The following SV2B variants were observed in gnomAD, a reference collection of about 807,000 sequenced individuals.
SV2B encodes solute carrier family 22 member B2.
In SV2B, 41 loss-of-function variants were observed where a neutral mutation model predicts 73.9. The observed-to-expected ratio is 0.56, with a 90% CI of 0.43 to 0.72. The LOEUF is 0.72. SV2B is among the 30% of genes least tolerant of loss of function. The pLI, the probability that SV2B is intolerant of heterozygous loss-of-function variation, is 0.00. For missense variants in SV2B, 764 were observed against 857.8 expected (o/e 0.89, Z 1.37); for synonymous variants, 314 against 314.2 (o/e 1.00, Z 0.01).
rs1431001935 is a variant in SV2B, at chr15:91,100,991, G to T, written c.-392+628G>T. On this transcript the variant is annotated intron_variant, in intron 1 of 12. Coordinates refer to ENST00000394232, the MANE Select transcript of SV2B (RefSeq NM_001323032.3). This position sits in a 1 kb window ranked among gnomAD's most constrained non-coding sequence, Gnocchi z 6.4. ...CCAGGGAGGAGCAAGGCACCGCTGT[G>T]TCTTCGGCAGACGGGTGGTAGAAAT... Among the ~76,000 whole-genome samples the T allele has an allele frequency of 6.6e-6, 1 of 152,238 alleles. No individual in the cohort carries two copies. Among genetic ancestry groups the T allele is most frequent in the East Asian group, 1.9e-4 (1 of 5,198 alleles).
chr15:91,221,691 G>GCACACA (rs1555486422), intron 1 of SV2B, among the ~76,000 whole-genome samples: 9 of 91,154 alleles, frequency 9.9e-5, no homozygotes, highest in African/African-American at 2.0e-4. Context: ...CCAAGCATGT[G>GCACACA]CGCACACACA....
rs1423119168 is a variant in SV2B, at chr15:91,124,429, T to G, written c.-392+24066T>G. On this transcript the variant is annotated intron_variant, in intron 1 of 12. Coordinates refer to ENST00000394232, the MANE Select transcript of SV2B (RefSeq NM_001323032.3). This position sits in a 1 kb window ranked among gnomAD's most constrained non-coding sequence, Gnocchi z 4.6. ...GTGAGGTGCAGCAGCCAAGAGCCAG[T>G]GAGGAAGAGAGCCTGGAGGGGGAAA... Among the ~76,000 whole-genome samples the G allele has an allele frequency of 1.3e-5, 2 of 152,032 alleles. No homozygotes were observed. The highest frequency in any genetic ancestry group is 2.9e-5 in the Non-Finnish European group (2 of 67,988).
rs112777430 is a variant in SV2B, at chr15:91,106,852, C to T, written c.-392+6489C>T. Among the ~76,000 whole-genome samples the T allele has an allele frequency of 3.9e-5, 6 of 152,116 alleles. No individual in the cohort carries two copies. Among genetic ancestry groups the T allele is most frequent in the Non-Finnish European group, 7.4e-5 (5 of 68,024 alleles). Reference sequence around the variant, plus strand: ...GTGTCACCAGCTTGCTTGAGAAACCCCACATCTACAGTAGCTTGCATAATG... The same window carrying T: ...GTGTCACCAGCTTGCTTGAGAAACCTCACATCTACAGTAGCTTGCATAATG... On this transcript the variant is annotated intron_variant, in intron 1 of 12. Transcript: ENST00000394232. This position sits in a 1 kb window ranked among gnomAD's most constrained non-coding sequence, Gnocchi z 4.4.
chr15:91,195,802 A>T (rs931642589), intron 1 of SV2B, among the ~76,000 whole-genome samples: 1 of 152,208 alleles, frequency 6.6e-6, no homozygotes, highest in Admixed American at 6.5e-5. Flanking sequence ...AGTACAGCTA[A>T]CATAGCACAG....
intron 1 of SV2B, among the ~76,000 whole-genome samples, chr15:91,221,025 G>C (rs1293168994): frequency 1.3e-5 from 2 of 151,798 alleles, no homozygotes; most frequent in African/African-American, 4.8e-5. Flanking sequence ...AACCATGCCT[G>C]GCTGACTTTT....
At chr15:91,173,132 G>T (rs1427054309) in intron 1 of SV2B, among the ~76,000 whole-genome samples, 3 of 152,246 alleles carry the variant, frequency 2.0e-5, no homozygotes, top group East Asian at 1.9e-4. Flanking sequence ...TAGACAAAAG[G>T]CCAAGTGCTG....
At chr15:91,263,369 AAGAC>A (rs1007223409) in intron 6 of SV2B, among the ~76,000 whole-genome samples, 10 of 149,162 alleles carry the variant, frequency 6.7e-5, no homozygotes, top group African/African-American at 2.0e-4. Flanking sequence ...CAGACACATT[AAGAC>A]AGACACAGAT....
rs1157170511 is a variant in SV2B at position 91,267,981 on chromosome 15, T to G, written c.1208+338T>G. 1.3e-5 allele frequency among the ~76,000 whole-genome samples: 2 copies of G among 152,060 alleles called. No homozygotes were observed. The highest frequency in any genetic ancestry group is 2.9e-5 in the Non-Finnish European group (2 of 68,004). ...CCACACCTGGATAATTTTTGTATTT[T>G]TAGTAGAGATGGGGTTTTGCCATCT... On this transcript the variant is annotated intron_variant, in intron 8 of 12. Coordinates refer to ENST00000394232, the MANE Select transcript of SV2B (RefSeq NM_001323032.3). This position sits in a 1 kb window ranked among gnomAD's most constrained non-coding sequence, Gnocchi z 4.3.
chr15:91,228,785 A>G (rs890170710), intron 2 of SV2B, among the ~76,000 whole-genome samples: 3 of 152,230 alleles, frequency 2.0e-5, no homozygotes, highest in African/African-American at 7.2e-5. Flanking sequence ...TGGACTTCCT[A>G]TGCACTCGTG....
intron 1 of SV2B, among the ~76,000 whole-genome samples, chr15:91,135,080 G>C (rs1403780790): frequency 6.6e-6 from 1 of 150,580 alleles, no homozygotes; most frequent in Non-Finnish European, 1.5e-5. Flanking sequence ...GCTCACTGCA[G>C]CCTAGACCTC....
intron 1 of SV2B, among the ~76,000 whole-genome samples, chr15:91,101,306 G>C (rs764208696): frequency 4.6e-5 from 7 of 152,084 alleles, no homozygotes; most frequent in Non-Finnish European, 1.0e-4. Context: ...TCTGGTCTAT[G>C]CTGGTCTCCT....
intron 1 of SV2B, among the ~76,000 whole-genome samples, chr15:91,111,724 A>G (rs182841012): frequency 1.3e-5 from 2 of 152,294 alleles, no homozygotes; most frequent in East Asian, 3.9e-4. Flanking sequence ...GGTAATTTAT[A>G]AGAAAAGAGT....
At chr15:91,203,324 G>A (rs2045524704) in intron 1 of SV2B, among the ~76,000 whole-genome samples, 1 of 152,212 alleles carries the variant, frequency 6.6e-6, no homozygotes, top group African/African-American at 2.4e-5. Flanking sequence ...ACCAAATGGG[G>A]CAAGCCTTTG....
rs1215262741 is a variant in SV2B, at chr15:91,283,424, C to T, written c.1508-597C>T. Among the ~76,000 whole-genome samples the T allele has an allele frequency of 6.6e-6, 1 of 151,436 alleles. No individual in the cohort carries two copies. The highest frequency in any genetic ancestry group is 1.5e-5 in the Non-Finnish European group (1 of 68,002). The stretch of plus-strand genomic sequence containing the variant: ...TGATTGGTACAAACAGGACTGTTAT[C>T]CAGCTGGAGAGATGATTTTTTTTTT... On this transcript the variant is annotated intron_variant, in intron 10 of 12. Coordinates refer to ENST00000394232, the MANE Select transcript of SV2B (RefSeq NM_001323032.3). The surrounding 1 kb of genome is among the most constrained non-coding windows in gnomAD (Gnocchi z 4.3).
intron 4 of SV2B, among the ~76,000 whole-genome samples, chr15:91,256,701 A>C (rs1454030536): frequency 6.6e-6 from 1 of 152,202 alleles, no homozygotes; most frequent in African/African-American, 2.4e-5. Flanking sequence ...ATTCTGATTG[A>C]GTGTATTGGA....
chr15:91,233,588 T>C (rs1364140128), intron 2 of SV2B, among the ~76,000 whole-genome samples: 3 of 152,156 alleles, frequency 2.0e-5, no homozygotes, highest in African/African-American at 7.2e-5. Context: ...AGGAATGAGA[T>C]CCTGAAAGTT....
chr15:91,136,522 G>C lies in SV2B; in HGVS notation c.-392+36159G>C, dbSNP rs973511703. Reference sequence around the variant, plus strand: ...GGAGAGAACTGTGCGGCGGAGTAAGGCTCTTGACTCAGCTGTCTGCAAGCC... The same window carrying C: ...GGAGAGAACTGTGCGGCGGAGTAAGCCTCTTGACTCAGCTGTCTGCAAGCC... On this transcript the variant is annotated intron_variant, in intron 1 of 12. Transcript: ENST00000394232. This position sits in a 1 kb window ranked among gnomAD's most constrained non-coding sequence, Gnocchi z 5.6. Among the ~76,000 whole-genome samples, 7 of 152,198 alleles carry C rather than the reference G, an allele frequency of 4.6e-5. No individual in the cohort carries two copies. The highest frequency in any genetic ancestry group is 1.3e-4 in the Admixed American group (2 of 15,274).
At chr15:91,184,827 T>C (rs200266825) in intron 1 of SV2B, among the ~76,000 whole-genome samples, 1 of 152,376 alleles carries the variant, frequency 6.6e-6, no homozygotes, top group East Asian at 1.9e-4. Context: ...TAAGTCAAAA[T>C]GTCACCATGT....
chr15:91,191,126 T>G (rs1384079665), intron 1 of SV2B, among the ~76,000 whole-genome samples: 4 of 139,070 alleles, frequency 2.9e-5, no homozygotes, highest in African/African-American at 1.1e-4. Context: ...AGTGCAATGG[T>G]GCAATTTGGG....
Sources: gnomAD v4.1 joint callset for allele counts (sites outside exome capture counted in the v4.1 genomes callset) on GRCh38, gnomAD v4.1.1 for gene constraint, Gnocchi (gnomAD v3.1) non-coding constraint, MANE v1.5 for transcripts, NCBI Gene and HGNC (gene_info 2026-07-23, HGNC 2026-07-21) for gene names.